SUSD5: variants seen among roughly 807,000 people sequenced by gnomAD.
SUSD5 encodes the protein sushi domain-containing protein 5.
A neutral mutation model predicts 29.5 loss-of-function variants in SUSD5; 33 were observed. The observed-to-expected ratio is 1.12, with a 90% CI of 0.85 to 1.49. The LOEUF (loss-of-function observed/expected upper bound fraction) is 1.49. SUSD5 is among the 40% of genes most tolerant of loss of function. The pLI, the probability that SUSD5 is intolerant of heterozygous loss-of-function variation, is 0.00. For missense variants in SUSD5, 776 were observed against 800.6 expected (o/e 0.97, Z 0.37); for synonymous variants, 308 against 325.3 (o/e 0.95, Z 0.57).
chr3:33,183,378 CTTTCT>C (rs1274941336), intron 3 of SUSD5, among the ~76,000 whole-genome samples: 1 of 151,352 alleles, frequency 6.6e-6, no homozygotes, highest in Non-Finnish European at 1.5e-5. Context: ...ATTTTCTTTC[CTTTCT>C]TAACGTATCA....
At chr3:33,157,103 C>T (rs1465950906) in intron 4 of SUSD5, among the ~76,000 whole-genome samples, 1 of 152,188 alleles carries the variant, frequency 6.6e-6, no homozygotes, top group East Asian at 1.9e-4. Flanking sequence ...AGGCCCTTCA[C>T]ATTCCCTGTT....
chr3:33,173,294 A>G (rs1191016156), intron 4 of SUSD5, among the ~76,000 whole-genome samples: 1 of 152,234 alleles, frequency 6.6e-6, no homozygotes, highest in East Asian at 1.9e-4. Context: ...CTGGGCAAAT[A>G]CTTTAGAGAA....
At chr3:33,218,616 C>A in intron 1 of SUSD5, 70 bp downstream of exon 1, 1 of 1,217,036 alleles carries the variant, frequency 8.2e-7, no homozygotes, top group South Asian at 3.0e-5. Context: ...GGAGCAGCCC[C>A]GGCGAGCTAC....
Position 33,204,911 on chromosome 3 carries a change from T to C in SUSD5, c.409+2897A>G, listed in dbSNP as rs2032188185. Among the ~76,000 whole-genome samples, 1 of 152,182 alleles carries C rather than the reference T, an allele frequency of 6.6e-6. No individual in the cohort carries two copies. Among genetic ancestry groups the C allele is most frequent in the Non-Finnish European group, 1.5e-5 (1 of 68,026 alleles). Reference sequence around the variant, plus strand: ...CCCACCTTTTATGCAGGTTCACCAATGTGTTTTCATTTTCCCCTTTTTGCT... The same window carrying C: ...CCCACCTTTTATGCAGGTTCACCAACGTGTTTTCATTTTCCCCTTTTTGCT... On this transcript the variant is annotated intron_variant, in intron 3 of 4. Transcript: ENST00000309558. The surrounding 1 kb of genome is among the most constrained non-coding windows in gnomAD (Gnocchi z 4.5).
intron 4 of SUSD5, among the ~76,000 whole-genome samples, chr3:33,168,119 A>T (rs1013918368): frequency 1.5e-4 from 23 of 152,224 alleles, no homozygotes; most frequent in African/African-American, 5.5e-4. Context: ...GTATTTTATC[A>T]GAGTGGGATG....
intron 3 of SUSD5, among the ~76,000 whole-genome samples, chr3:33,205,515 C>T (rs1559456583): frequency 6.6e-6 from 1 of 152,144 alleles, no homozygotes; most frequent in African/African-American, 2.4e-5. Flanking sequence ...ATTGAGTTGC[C>T]CATGACTCAA....
At chr3:33,206,420 T>A (rs1022816937) in intron 3 of SUSD5, among the ~76,000 whole-genome samples, 123 of 51,916 alleles carry the variant, frequency 2.4e-3, no homozygotes, top group Non-Finnish European at 3.4e-3. Flanking sequence ...TGAGTGTGTG[T>A]GTGTGTGTGT....
chr3:33,199,200 T>C (rs1046306438), intron 3 of SUSD5, among the ~76,000 whole-genome samples: 1 of 149,294 alleles, frequency 6.7e-6, no homozygotes, highest in African/African-American at 2.5e-5. Flanking sequence ...TGTCTTTTTT[T>C]CTAGGGGAGA....
chr3:33,161,325 G>T (rs571478789), intron 4 of SUSD5, among the ~76,000 whole-genome samples: 2 of 152,310 alleles, frequency 1.3e-5, no homozygotes, highest in East Asian at 3.9e-4. Flanking sequence ...ACTTCTATAT[G>T]TCAAGGGTGC....
At chr3:33,181,114 A>T (rs1278178103) in intron 3 of SUSD5, among the ~76,000 whole-genome samples, 2 of 151,982 alleles carry the variant, frequency 1.3e-5, no homozygotes, top group Non-Finnish European at 2.9e-5. Flanking sequence ...AACAAGTTTT[A>T]AAAAATTAAA....
chr3:33,197,950 G>A (rs1279862566), intron 3 of SUSD5, among the ~76,000 whole-genome samples: 2 of 151,920 alleles, frequency 1.3e-5, no homozygotes, highest in Non-Finnish European at 2.9e-5. Flanking sequence ...ATTTTTGTGT[G>A]GTCATACACT....
intron 2 of SUSD5, among the ~76,000 whole-genome samples, chr3:33,212,072 T>A (rs1478239869): frequency 2.0e-5 from 3 of 152,180 alleles, no homozygotes; most frequent in Non-Finnish European, 4.4e-5. Context: ...TAACATATCA[T>A]TTCAAATAGC....
chr3:33,208,803 A>T (rs913913555), intron 2 of SUSD5, among the ~76,000 whole-genome samples: 8 of 152,238 alleles, frequency 5.3e-5, no homozygotes, highest in Admixed American at 6.5e-5. Flanking sequence ...AACACTACAT[A>T]TGAATACACT....
chr3:33,188,762 A>T (rs912077782), intron 3 of SUSD5, among the ~76,000 whole-genome samples: 1 of 152,172 alleles, frequency 6.6e-6, no homozygotes, highest in African/African-American at 2.4e-5. Flanking sequence ...ACTCCAGGGA[A>T]CTTTCTGGGG....
At chr3:33,178,607 C>T (rs903229375) in intron 3 of SUSD5, among the ~76,000 whole-genome samples, 33 of 152,090 alleles carry the variant, frequency 2.2e-4, no homozygotes, top group Admixed American at 1.2e-3. Context: ...CCACCACGCC[C>T]GGCTAATTTT....
chr3:33,170,342 A>C (rs1401393563), intron 4 of SUSD5, among the ~76,000 whole-genome samples: 1 of 152,194 alleles, frequency 6.6e-6, no homozygotes, highest in East Asian at 1.9e-4. Flanking sequence ...ACATGTGTGG[A>C]TTTTGACAGG....
rs528377000 is a variant in SUSD5 at position 33,167,508 on chromosome 3, G to C, written c.598+7378C>G. On this transcript the variant is annotated intron_variant, in intron 4 of 4. Transcript: ENST00000309558. This position sits in a 1 kb window ranked among gnomAD's most constrained non-coding sequence, Gnocchi z 4.1. ...ATGGGTGTCTAAGGTTCTGCCTCCA[G>C]AGCTCCCTGAGGCTACAGCAACCCT... 6.6e-6 allele frequency among the ~76,000 whole-genome samples: 1 copy of C among 152,160 alleles called. No individual in the cohort carries two copies. Among genetic ancestry groups the C allele is most frequent in the South Asian group, 2.1e-4 (1 of 4,814 alleles).
At chr3:33,192,935 T>G (rs529629052) in intron 3 of SUSD5, among the ~76,000 whole-genome samples, 2 of 152,224 alleles carry the variant, frequency 1.3e-5, no homozygotes, top group African/African-American at 2.4e-5. Context: ...AGTTTCACCA[T>G]TCTTACTATA....
intron 3 of SUSD5, among the ~76,000 whole-genome samples, chr3:33,184,321 G>A (rs903798509): frequency 1.3e-5 from 2 of 151,818 alleles, no homozygotes; most frequent in Non-Finnish European, 2.9e-5. Flanking sequence ...GATAAGGTAG[G>A]GTTTTTTCCT....
Sources: gnomAD v4.1 joint callset for allele counts (sites outside exome capture counted in the v4.1 genomes callset) on GRCh38, gnomAD v4.1.1 for gene constraint, Gnocchi (gnomAD v3.1) non-coding constraint, MANE v1.5 for transcripts, NCBI Gene and HGNC (gene_info 2026-07-23, HGNC 2026-07-21) for gene names.